NELL1: variants seen among roughly 807,000 people sequenced by gnomAD.
NELL1 encodes protein kinase C-binding protein NELL1.
NELL1 carries 76 observed loss-of-function variants against 107.4 expected under a neutral mutation model. The ratio of observed to expected loss-of-function variants is 0.71; its 90% confidence interval spans 0.59 to 0.86. The LOEUF is 0.86. Ranked by LOEUF, NELL1 falls within the 40% of genes least tolerant of loss-of-function variation. The probability of loss-of-function intolerance (pLI) is 0.00; values close to 1 mark genes in which losing one functional copy is unlikely to be tolerated. For missense variants in NELL1, 1,024 were observed against 1,005.5 expected (o/e 1.02, Z -0.25); for synonymous variants, 353 against 341.2 (o/e 1.03, Z -0.38).
In NELL1 at chr11:21,479,336, T is replaced by C. The variant is rs181802684; in HGVS notation, c.1646-55038T>C. On this transcript the variant is annotated intron_variant, in intron 15 of 19. Transcript: ENST00000357134. ...ATAAAGAAAATGTGGTACCTATATA[T>C]ACTGAAATAGCATTCAGCCATAAAA... 7.1e-3 allele frequency among the ~76,000 whole-genome samples: 1,076 copies of C among 152,078 alleles called. 7 individuals are homozygous for C. Among genetic ancestry groups the C allele is most frequent in the Non-Finnish European group, 0.012 (797 of 67,996 alleles).
chr11:21,297,821 G>C (rs895054193), intron 14 of NELL1, among the ~76,000 whole-genome samples: 2 of 151,934 alleles, frequency 1.3e-5, no homozygotes, highest in Non-Finnish European at 2.9e-5. Flanking sequence ...GCGGGGAAGG[G>C]AAATCATAGT....
chr11:21,363,813 C>CA (rs1234296529), intron 14 of NELL1, among the ~76,000 whole-genome samples: 7 of 151,952 alleles, frequency 4.6e-5, no homozygotes, highest in African/African-American at 1.7e-4. Context: ...TTCAGAATTG[C>CA]AAAAAATGTG....
intron 13 of NELL1, among the ~76,000 whole-genome samples, chr11:21,145,203 G>T (rs567848696): frequency 6.6e-6 from 1 of 152,200 alleles, no homozygotes; most frequent in African/African-American, 2.4e-5. Context: ...TAATTTAATT[G>T]TCATAACAAT....
intron 2 of NELL1, among the ~76,000 whole-genome samples, chr11:20,713,365 C>CG (rs1564875332): frequency 1.3e-5 from 2 of 151,852 alleles, no homozygotes; most frequent in Non-Finnish European, 2.9e-5. Context: ...GGTAGAGGGG[C>CG]GGTGGTTCTC....
At chr11:21,535,040 T>C (rs1342782535) in intron 16 of NELL1, among the ~76,000 whole-genome samples, 2 of 152,152 alleles carry the variant, frequency 1.3e-5, no homozygotes, top group Admixed American at 1.3e-4. Context: ...AATTGCAAGA[T>C]TTGAATTGAT....
chr11:20,711,113 C>T (rs1218325692), intron 2 of NELL1, among the ~76,000 whole-genome samples: 2 of 151,868 alleles, frequency 1.3e-5, no homozygotes, highest in Non-Finnish European at 2.9e-5. Flanking sequence ...GGGGTGTGAC[C>T]TTAGATATTC....
At position 21,326,071 on chromosome 11, in the gene NELL1, TTTTTTTTTTTG is replaced by T. The variant is rs1418757254; in HGVS notation, c.1550-44781_1550-44771del. 6.6e-3 allele frequency among the ~76,000 whole-genome samples: 519 copies of T among 78,884 alleles called. 7 individuals are homozygous for T. Among genetic ancestry groups the T allele is most frequent in the African/African-American group, 9.2e-3 (208 of 22,654 alleles). The allele number at this position is 78,884 out of a possible 152,430, so 51.8% of individuals were successfully genotyped here. A position where few individuals can be genotyped will look rare whatever the true frequency, so the allele number is the denominator to read the frequency against. On this transcript the variant is annotated intron_variant, in intron 14 of 19. Coordinates refer to ENST00000357134, the MANE Select transcript of NELL1 (RefSeq NM_006157.5). The stretch of plus-strand genomic sequence containing the variant: ...CTAGTTTTTTTTTTTTTTTTTTTTT[TTTTTTTTTTTG>T]GGCTATTTTGAGTAAAGCTTAAATG...
chr11:21,519,261 C>T (rs1438025159), intron 15 of NELL1, among the ~76,000 whole-genome samples: 1 of 152,134 alleles, frequency 6.6e-6, no homozygotes, highest in Non-Finnish European at 1.5e-5. Context: ...ATGAAAATTC[C>T]ATTATTATTA....
At chr11:21,323,372 A>G (rs558090654) in intron 14 of NELL1, among the ~76,000 whole-genome samples, 25 of 152,256 alleles carry the variant, frequency 1.6e-4, no homozygotes, top group African/African-American at 6.0e-4. Context: ...AGCTAATAAT[A>G]AGGACAGGGG....
intron 3 of NELL1, among the ~76,000 whole-genome samples, chr11:20,828,717 C>T (rs1487214150): frequency 1.3e-5 from 2 of 152,202 alleles, no homozygotes; most frequent in African/African-American, 4.8e-5. Context: ...CTGTTTTATG[C>T]TCATCATTTG....
chr11:21,108,947 G>A (rs1182889021), intron 12 of NELL1, among the ~76,000 whole-genome samples: 1 of 152,078 alleles, frequency 6.6e-6, no homozygotes, highest in African/African-American at 2.4e-5. Flanking sequence ...ATAAACATCA[G>A]CTACAGCGAA....
At chr11:21,573,704 A>G (rs1165037168) in intron 19 of NELL1, among the ~76,000 whole-genome samples, 1 of 151,588 alleles carries the variant, frequency 6.6e-6, no homozygotes, top group Admixed American at 6.6e-5. Flanking sequence ...TTTGACATGC[A>G]TATTAAATAA....
intron 2 of NELL1, among the ~76,000 whole-genome samples, chr11:20,783,375 CTGG>C (rs200853377): frequency 0.017 from 2,558 of 152,268 alleles, 26 homozygotes; most frequent in South Asian, 0.061. Flanking sequence ...AAATCACTGT[CTGG>C]CCAATTGGGA....
At chr11:21,258,163 G>A (rs79228234) in intron 14 of NELL1, among the ~76,000 whole-genome samples, 5 of 151,960 alleles carry the variant, frequency 3.3e-5, no homozygotes, top group Non-Finnish European at 5.9e-5. Context: ...CTGAGAGTGA[G>A]AAAAAAATGT....
At chr11:21,381,144 C>T (rs922552347) in intron 15 of NELL1, among the ~76,000 whole-genome samples, 2 of 151,866 alleles carry the variant, frequency 1.3e-5, no homozygotes, top group African/African-American at 4.8e-5. Context: ...TTGTCTGTGC[C>T]CAAGGGCAAT....
chr11:20,899,476 G>A (rs1849824902), intron 5 of NELL1, among the ~76,000 whole-genome samples: 1 of 152,046 alleles, frequency 6.6e-6, no homozygotes, highest in South Asian at 2.1e-4. Flanking sequence ...TGCAGCTAAA[G>A]CAATTCTTAG....
chr11:20,806,061 T>C (rs1013725354), intron 3 of NELL1, among the ~76,000 whole-genome samples: 1 of 152,162 alleles, frequency 6.6e-6, no homozygotes, highest in Non-Finnish European at 1.5e-5. Context: ...CTGTGTTTTT[T>C]TGTGTACTTA....
intron 2 of NELL1, among the ~76,000 whole-genome samples, chr11:20,746,614 T>C (rs1156745820): frequency 6.7e-6 from 1 of 149,400 alleles, no homozygotes; most frequent in African/African-American, 2.5e-5. Context: ...ACACGTGGAA[T>C]TGAACATTGC....
chr11:20,995,402 C>G (rs1852067921), intron 12 of NELL1, among the ~76,000 whole-genome samples: 2 of 152,048 alleles, frequency 1.3e-5, no homozygotes, highest in South Asian at 4.2e-4. Context: ...CATGGTGAAA[C>G]CCCGTCTCTA....
Sources: allele counts gnomAD v4.1 joint callset (sites outside exome capture counted in the v4.1 genomes callset), GRCh38; gene constraint gnomAD v4.1.1; transcripts MANE v1.5; gene names NCBI Gene and HGNC (gene_info 2026-07-23, HGNC 2026-07-21).